The following NRXN1 variants were observed in gnomAD, a reference collection of about 807,000 sequenced individuals.
NRXN1 encodes the protein neurexin 1, also known as neurexin-1.
NRXN1 carries 39 observed loss-of-function variants against 150.9 expected under a neutral mutation model. That is an observed-to-expected ratio of 0.26 (90% CI 0.20 to 0.34). The LOEUF is 0.34. Ranked by LOEUF, NRXN1 falls within the 10% of genes least tolerant of loss-of-function variation. NRXN1 has a pLI of 1.00. For synonymous variants in NRXN1, 924 were observed against 757.0 expected (o/e 1.22, Z -3.62); for missense variants, 1,815 against 1,949.9 (o/e 0.93, Z 1.30).
chr2:50,476,889 G>A (rs2090034768), intron 15 of NRXN1, among the ~76,000 whole-genome samples: 1 of 152,038 alleles, frequency 6.6e-6, no homozygotes, highest in African/African-American at 2.4e-5. Flanking sequence ...AAGCGATTAA[G>A]AGGACAAAAA....
intron 2 of NRXN1, among the ~76,000 whole-genome samples, chr2:50,995,537 A>G (rs1295434353): frequency 3.3e-5 from 5 of 150,422 alleles, no homozygotes; most frequent in African/African-American, 1.2e-4. Flanking sequence ...CCTGGGAGGC[A>G]GAGGTTGCAG....
intron 5 of NRXN1, among the ~76,000 whole-genome samples, chr2:50,710,901 T>C (rs1340434482): frequency 6.6e-6 from 1 of 152,208 alleles, no homozygotes; most frequent in Non-Finnish European, 1.5e-5. Context: ...CCTTTCTGTT[T>C]GCAACTGTAT....
At chr2:50,132,479 A>C (rs1209734996) in intron 18 of NRXN1, among the ~76,000 whole-genome samples, 1 of 151,556 alleles carries the variant, frequency 6.6e-6, no homozygotes, top group African/African-American at 2.4e-5. Context: ...CTAATTTTTT[A>C]TATTTTTAGT....
At chr2:50,942,267 A>G (rs1420261775) in intron 2 of NRXN1, among the ~76,000 whole-genome samples, 1 of 152,184 alleles carries the variant, frequency 6.6e-6, no homozygotes, top group Admixed American at 6.5e-5. Context: ...GTGGGAATGG[A>G]GCCCACATGG....
intron 13 of NRXN1, among the ~76,000 whole-genome samples, chr2:50,501,171 G>C (rs888731723): frequency 1.3e-5 from 2 of 152,154 alleles, no homozygotes; most frequent in Non-Finnish European, 2.9e-5. Context: ...TGGAGAAAGG[G>C]AATCAAGGGT....
At chr2:50,126,323 A>G (rs148258109) in intron 18 of NRXN1, among the ~76,000 whole-genome samples, 99 of 152,112 alleles carry the variant, frequency 6.5e-4, no homozygotes, top group African/African-American at 2.2e-3. Flanking sequence ...ATATTTAACT[A>G]TTGCTCCATC....
rs112697447 is a variant in NRXN1 at position 50,770,972 on chromosome 2, T to G, written c.833-147357A>C. Among the ~76,000 whole-genome samples, 290 of 152,242 alleles carry G rather than the reference T, an allele frequency of 1.9e-3. 5 individuals are homozygous for G. The highest frequency in any genetic ancestry group is 6.8e-3 in the African/African-American group (282 of 41,570). On this transcript the variant is annotated intron_variant, in intron 5 of 22. Transcript: ENST00000401669. The stretch of plus-strand genomic sequence containing the variant: ...GCCCTAGGTTTCAAGGAATGTATCT[T>G]AATTACGTTTGAACCCTCAGTACTT...
intron 17 of NRXN1, among the ~76,000 whole-genome samples, chr2:50,288,546 G>T (rs542014659): frequency 7.7e-4 from 117 of 152,290 alleles, no homozygotes; most frequent in African/African-American, 2.8e-3. Flanking sequence ...AAGGAAAGAG[G>T]TTTAATTGAA....
intron 17 of NRXN1, among the ~76,000 whole-genome samples, chr2:50,406,136 T>C (rs1170924322): frequency 6.6e-6 from 1 of 152,110 alleles, no homozygotes; most frequent in African/African-American, 2.4e-5. Context: ...CATATCATGC[T>C]TTTCCAATGT....
At chr2:50,587,252 A>C (rs1444165216) in intron 8 of NRXN1, among the ~76,000 whole-genome samples, 1 of 152,304 alleles carries the variant, frequency 6.6e-6, no homozygotes, top group Non-Finnish European at 1.5e-5. Flanking sequence ...TGGGAGGCTG[A>C]TGTGGGCAGA....
rs924593452 is a variant in NRXN1, at chr2:51,028,284, G to A, written c.-11C>T. On this transcript the variant is annotated 5_prime_UTR_variant, in exon 2 of 23. Transcript: ENST00000401669. ...CAGCGCCGTCCCCATGCTCGGGGCT[G>A]GGGTGCGGCGGGGGGGTGCCGGGGC... is the stretch of plus-strand genomic sequence containing the variant. 61 of 1,429,060 alleles carry A rather than the reference G, an allele frequency of 4.3e-5. No individual in the cohort carries two copies. Among genetic ancestry groups the A allele is most frequent in the Non-Finnish European group, 5.6e-5 (61 of 1,096,014 alleles). The allele number at this position is 1,429,060 out of a possible 1,614,324, so 88.5% of individuals were successfully genotyped here. A position where few individuals can be genotyped will look rare whatever the true frequency, so the allele number is the denominator to read the frequency against.
At chr2:50,825,570 G>T (rs192367608) in intron 5 of NRXN1, among the ~76,000 whole-genome samples, 50 of 152,332 alleles carry the variant, frequency 3.3e-4, no homozygotes, top group Non-Finnish European at 6.0e-4. Context: ...CCCAGAGAGA[G>T]TATGGCAGCT....
chr2:50,456,214 T>A (rs566417883), intron 17 of NRXN1, among the ~76,000 whole-genome samples: 7 of 152,164 alleles, frequency 4.6e-5, no homozygotes, highest in Non-Finnish European at 8.8e-5. Context: ...GAACCTTTTA[T>A]GAAACTTGTT....
chr2:50,495,431 G>A (rs1036167588), intron 15 of NRXN1, among the ~76,000 whole-genome samples: 1 of 141,376 alleles, frequency 7.1e-6, no homozygotes, highest in Non-Finnish European at 1.5e-5. Flanking sequence ...TGGGATGGGG[G>A]ATAGAATTCA....
chr2:50,609,764 A>T (rs1677728584), intron 8 of NRXN1, among the ~76,000 whole-genome samples: 2 of 152,156 alleles, frequency 1.3e-5, no homozygotes, highest in South Asian at 4.1e-4. Flanking sequence ...TCCATATTTC[A>T]AGGGCAATTC....
chr2:50,191,198 G>GTTTTTTTT (rs199985011), intron 18 of NRXN1, among the ~76,000 whole-genome samples: 1 of 117,526 alleles, frequency 8.5e-6, no homozygotes, highest in African/African-American at 3.1e-5. Context: ...TCAGCTAATT[G>GTTTTTTTT]TTTTTTGTTT....
intron 21 of NRXN1, among the ~76,000 whole-genome samples, chr2:50,007,058 A>G (rs1434208924): frequency 6.6e-6 from 1 of 152,098 alleles, no homozygotes; most frequent in Non-Finnish European, 1.5e-5. Context: ...TATCAAGGGA[A>G]CAGGCCAGGT....
At chr2:50,548,987 A>C (rs1192391931) in intron 9 of NRXN1, among the ~76,000 whole-genome samples, 1 of 152,190 alleles carries the variant, frequency 6.6e-6, no homozygotes, top group Non-Finnish European at 1.5e-5. Flanking sequence ...TGGCCTCATT[A>C]TCTGTATGTC....
At chr2:51,005,518 C>G (rs1489941064) in intron 2 of NRXN1, among the ~76,000 whole-genome samples, 1 of 151,872 alleles carries the variant, frequency 6.6e-6, no homozygotes, top group African/African-American at 2.4e-5. Flanking sequence ...GGATTCATCA[C>G]CATGAGAATG....
Sources: gnomAD v4.1 joint callset for allele counts (sites outside exome capture counted in the v4.1 genomes callset) on GRCh38, gnomAD v4.1.1 for gene constraint, MANE v1.5 for transcripts, NCBI Gene and HGNC (gene_info 2026-07-23, HGNC 2026-07-21) for gene names.